The following RBM46 variants were observed in gnomAD, a reference collection of about 807,000 sequenced individuals.
RBM46 encodes the protein RNA binding motif protein 46, also known as probable RNA-binding protein 46.
RBM46 carries 12 observed loss-of-function variants against 43.3 expected under a neutral mutation model. The ratio of observed to expected loss-of-function variants is 0.28; its 90% CI spans 0.18 to 0.45. The LOEUF (loss-of-function observed/expected upper bound fraction) is 0.45, where lower values mean the gene tolerates loss of function less well. RBM46 is among the 20% of genes least tolerant of loss of function. RBM46 has a pLI of 1.00. For missense variants in RBM46, 412 were observed against 639.1 expected (o/e 0.64, Z 3.83); for synonymous variants, 205 against 207.6 (o/e 0.99, Z 0.11).
chr4:154,820,620 T>C (rs1456332336), intron 4 of RBM46, among the ~76,000 whole-genome samples: 1 of 151,910 alleles, frequency 6.6e-6, no homozygotes, highest in Non-Finnish European at 1.5e-5. Context: ...TCAGGTCTTC[T>C]CAAAACATTT....
At chr4:154,812,527 A>G (rs1182930114) in intron 4 of RBM46, among the ~76,000 whole-genome samples, 1 of 152,220 alleles carries the variant, frequency 6.6e-6, no homozygotes, top group Non-Finnish European at 1.5e-5. Flanking sequence ...CAGAACATCA[A>G]ACAGGCAAAG....
chr4:154,811,278 TATGGCA>T (rs1288492183), intron 4 of RBM46, among the ~76,000 whole-genome samples: 1 of 151,978 alleles, frequency 6.6e-6, no homozygotes, highest in Non-Finnish European at 1.5e-5. Flanking sequence ...GAAAAAAGAG[TATGGCA>T]TTTCGAGCCA....
At chr4:154,812,792 C>A (rs1735245286) in intron 4 of RBM46, among the ~76,000 whole-genome samples, 1 of 152,136 alleles carries the variant, frequency 6.6e-6, no homozygotes, top group African/African-American at 2.4e-5. Flanking sequence ...CCATACATTT[C>A]CTGCTGTGAT....
At chr4:154,826,840 A>C in intron 4 of RBM46, 2 of 1,515,356 alleles carry the variant, frequency 1.3e-6, no homozygotes, top group Non-Finnish European at 1.8e-6. Context: ...ATTAAGTCCC[A>C]TGACAACATT....
rs149789318 is a variant in RBM46 at position 154,799,387 on chromosome 4, C to T, written c.1225C>T (p.Pro409Ser). 3 of 1,613,902 alleles carry T rather than the reference C, an allele frequency of 1.9e-6. No individual in the cohort carries two copies. Among genetic ancestry groups the T allele is most frequent in the Non-Finnish European group, 2.5e-6 (3 of 1,179,956 alleles). Reference protein sequence around the residue: ...DYYCNKNNWAPPEYYLYSTTS... With the variant: ...DYYCNKNNWASPEYYLYSTTS... ...TTACTGCAACAAAAATAACTGGGCA[C>T]CACCAGAATATTATTTATATTCAAC... The change falls in exon 4 of 5, where the codon CCA becomes TCA. Residue 409 changes from proline (P) to serine (S), a missense_variant. Coordinates refer to ENST00000281722, the MANE Select transcript of RBM46 (RefSeq NM_144979.5).
rs547310187 is a variant in RBM46 at position 154,806,661 on chromosome 4, T to A, written c.1402+7097T>A. 3.1e-3 allele frequency among the ~76,000 whole-genome samples: 470 copies of A among 151,722 alleles called. 4 individuals are homozygous for A. The highest frequency in any genetic ancestry group is 0.011 in the African/African-American group (441 of 41,506). On this transcript the variant is annotated intron_variant, in intron 4 of 4. Coordinates refer to ENST00000281722, the MANE Select transcript of RBM46 (RefSeq NM_144979.5). ...ACAGCAGAACAGCTGGAAAAAAAAA[T>A]AAATAAATAAAAGATTCAGTCAGTC...
At chr4:154,809,871 A>G (rs555171705) in intron 4 of RBM46, among the ~76,000 whole-genome samples, 154 of 152,272 alleles carry the variant, frequency 1.0e-3, no homozygotes, top group Non-Finnish European at 1.6e-3. Flanking sequence ...AATTGGAGAA[A>G]TTGAGACAAT....
intron 4 of RBM46, among the ~76,000 whole-genome samples, chr4:154,807,623 T>C (rs1734970188): frequency 6.6e-6 from 1 of 151,946 alleles, no homozygotes. Context: ...TACTAGTTAA[T>C]ATCTGATATA....
rs775914673 is a variant in RBM46 at position 154,828,463 on chromosome 4, G to A, written c.*396G>A. On this transcript the variant is annotated 3_prime_UTR_variant, in exon 5 of 5. Transcript: ENST00000281722. ...GGTTATAGTAGATTTGATTACCAAG[G>A]ATCACTATCTGTACTGGAGATTAGA... 2.8e-4 allele frequency: 55 copies of A among 198,256 alleles called. 1 individual carries two copies. The highest frequency in any genetic ancestry group is 5.0e-4 in the Non-Finnish European group (49 of 97,710). 12.3% of individuals were successfully genotyped at this position (198,256 alleles called of 1,614,324 possible).
chr4:154,823,036 A>G (rs1290696468), intron 4 of RBM46, among the ~76,000 whole-genome samples: 1 of 151,868 alleles, frequency 6.6e-6, no homozygotes. Context: ...ATACCTATCA[A>G]CTGATGAATG....
chr4:154,817,306 TC>T (rs1261979175), intron 4 of RBM46, among the ~76,000 whole-genome samples: 1 of 150,588 alleles, frequency 6.6e-6, no homozygotes, highest in Non-Finnish European at 1.5e-5. Flanking sequence ...TAGAGCTGCA[TC>T]CCATACATTT....
intron 4 of RBM46, among the ~76,000 whole-genome samples, chr4:154,812,044 G>C (rs751947289): frequency 2.7e-5 from 4 of 149,502 alleles, no homozygotes; most frequent in African/African-American, 9.9e-5. Flanking sequence ...TAACAAACAG[G>C]CTTCAGTATG....
chr4:154,824,783 T>C (rs1442209715), intron 4 of RBM46, among the ~76,000 whole-genome samples: 1 of 151,912 alleles, frequency 6.6e-6, no homozygotes, highest in Non-Finnish European at 1.5e-5. Flanking sequence ...AGAAAGAAGA[T>C]AGACATAAAA....
chr4:154,784,471 A>G (rs1480885254), intron 1 of RBM46, among the ~76,000 whole-genome samples: 1 of 152,210 alleles, frequency 6.6e-6, no homozygotes, highest in Non-Finnish European at 1.5e-5. Context: ...CTTGATTCAC[A>G]TTGTTACTTG....
At chr4:154,815,360 G>A (rs1364748925) in intron 4 of RBM46, among the ~76,000 whole-genome samples, 7 of 151,980 alleles carry the variant, frequency 4.6e-5, no homozygotes, top group Non-Finnish European at 1.0e-4. Flanking sequence ...GGTGGGTCAT[G>A]TTTTTTAAAC....
chr4:154,803,770 A>G (rs957609723), intron 4 of RBM46, among the ~76,000 whole-genome samples: 45 of 150,794 alleles, frequency 3.0e-4, no homozygotes, highest in African/African-American at 5.6e-4. Flanking sequence ...AGGGATCTGT[A>G]ATCTGTAGGA....
chr4:154,789,938 C>T (rs912743340), intron 1 of RBM46, among the ~76,000 whole-genome samples: 3 of 152,174 alleles, frequency 2.0e-5, no homozygotes, highest in African/African-American at 7.2e-5. Flanking sequence ...TCCATTTCTT[C>T]TAGATTTTCT....
intron 2 of RBM46, among the ~76,000 whole-genome samples, chr4:154,797,416 G>A (rs778082022): frequency 2.0e-5 from 3 of 152,086 alleles, no homozygotes; most frequent in Admixed American, 6.6e-5. Context: ...CCTTTCTCAC[G>A]TACATGTTAG....
intron 4 of RBM46, among the ~76,000 whole-genome samples, chr4:154,819,020 G>A (rs896049896): frequency 6.6e-6 from 1 of 152,030 alleles, no homozygotes; most frequent in African/African-American, 2.4e-5. Context: ...AATACCCTGT[G>A]GATCTGTTAC....
Sources: gnomAD v4.1 joint callset for allele counts (sites outside exome capture counted in the v4.1 genomes callset) on GRCh38, gnomAD v4.1.1 for gene constraint, MANE v1.5 for transcripts, NCBI Gene and HGNC (gene_info 2026-07-23, HGNC 2026-07-21) for gene names.